CDKAL1: variants seen among roughly 807,000 people sequenced by gnomAD.
The protein encoded by CDKAL1 is CDKAL1 threonylcarbamoyladenosine tRNA methylthiotransferase.
CDKAL1 carries 32 observed loss-of-function variants against 68.2 expected under a neutral mutation model. The ratio of observed to expected loss-of-function variants is 0.47; its 90% CI spans 0.35 to 0.63. The LOEUF (loss-of-function observed/expected upper bound fraction) is 0.63. Ranked by LOEUF, CDKAL1 falls within the 30% of genes least tolerant of loss-of-function variation. CDKAL1 has a pLI of 0.00. For missense variants in CDKAL1, 606 were observed against 696.7 expected (o/e 0.87, Z 1.47); for synonymous variants, 234 against 244.3 (o/e 0.96, Z 0.39).
chr6:20,770,886 C>T (rs1774911770), intron 7 of CDKAL1, among the ~76,000 whole-genome samples: 1 of 152,118 alleles, frequency 6.6e-6, no homozygotes, highest in Non-Finnish European at 1.5e-5. Context: ...GCTCTGCCTC[C>T]CAGACTTCAG....
chr6:20,582,115 G>A (rs190516699), intron 4 of CDKAL1, among the ~76,000 whole-genome samples: 6 of 152,152 alleles, frequency 3.9e-5, no homozygotes, highest in South Asian at 2.1e-4. Flanking sequence ...ATTTTATGGA[G>A]ACCTTTACAT....
chr6:21,160,667 G>A (rs1435118602), intron 13 of CDKAL1, among the ~76,000 whole-genome samples: 3 of 129,152 alleles, frequency 2.3e-5, no homozygotes, highest in African/African-American at 8.8e-5. Context: ...GTGTGTGTGT[G>A]TGTGTGTGTG....
At chr6:20,844,488 G>A (rs189296597) in intron 8 of CDKAL1, among the ~76,000 whole-genome samples, 121 of 152,010 alleles carry the variant, frequency 8.0e-4, no homozygotes, top group Middle Eastern at 3.4e-3. Flanking sequence ...ATTTTTTGAG[G>A]TGGATTCTTG....
Position 20,846,148 on chromosome 6 carries a change from C to A in CDKAL1, c.712C>A (p.Leu238Ile), listed in dbSNP as rs775048563. The A allele has an allele frequency of 6.2e-7, 1 of 1,611,238 alleles. No individual in the cohort carries two copies. The highest frequency in any genetic ancestry group is 8.5e-7 in the Non-Finnish European group (1 of 1,177,822). The stretch of plus-strand genomic sequence containing the variant: ...TTTGGCCAGTTATCCAATTGATGAA[C>A]TAGTAGATAGAGCCAAACAATCTTT... ...GNLASYPIDE[L>I]VDRAKQSFQE... Residue 238 changes from leucine to isoleucine, a missense_variant, in exon 9 of 16, where the codon CTA becomes ATA. Physicochemically the swap from Leu to Ile is conservative, Grantham distance 5 (BLOSUM62 2). Coordinates refer to ENST00000274695, the MANE Select transcript of CDKAL1 (RefSeq NM_017774.3).
intron 4 of CDKAL1, among the ~76,000 whole-genome samples, chr6:20,611,253 C>T (rs1766604830): frequency 6.6e-6 from 1 of 152,058 alleles, no homozygotes; most frequent in Non-Finnish European, 1.5e-5. Context: ...CGTGTCTTAG[C>T]CCTGGAAAGG....
At chr6:21,045,704 T>C (rs1308227533) in intron 11 of CDKAL1, among the ~76,000 whole-genome samples, 2 of 152,212 alleles carry the variant, frequency 1.3e-5, no homozygotes, top group African/African-American at 4.8e-5. Flanking sequence ...TACTGTAAAC[T>C]AGCTCTGTGT....
intron 11 of CDKAL1, among the ~76,000 whole-genome samples, chr6:21,050,598 G>A (rs145837220): frequency 1.3e-5 from 2 of 152,222 alleles, no homozygotes; most frequent in Non-Finnish European, 2.9e-5. Flanking sequence ...AGTGCTTGCT[G>A]ATTGGTTTGT....
At chr6:21,020,774 C>CTTTTTT (rs60084439) in intron 11 of CDKAL1, among the ~76,000 whole-genome samples, 1 of 132,830 alleles carries the variant, frequency 7.5e-6, no homozygotes, top group East Asian at 2.1e-4. Context: ...GCCTTTTTTC[C>CTTTTTT]TTTTTTTTTT....
At chr6:20,723,981 G>A (rs1772515642) in intron 5 of CDKAL1, among the ~76,000 whole-genome samples, 1 of 152,156 alleles carries the variant, frequency 6.6e-6, no homozygotes, top group Admixed American at 6.5e-5. Flanking sequence ...CGCTCAGGCT[G>A]GAGTGCAGTG....
At chr6:21,157,484 T>A (rs951414872) in intron 13 of CDKAL1, among the ~76,000 whole-genome samples, 2 of 150,808 alleles carry the variant, frequency 1.3e-5, no homozygotes, top group African/African-American at 4.9e-5. Context: ...TCTTTCTTGA[T>A]TACACAAACA....
At chr6:20,734,835 T>C (rs989404000) in intron 5 of CDKAL1, among the ~76,000 whole-genome samples, 1 of 149,008 alleles carries the variant, frequency 6.7e-6, no homozygotes, top group African/African-American at 2.5e-5. Flanking sequence ...CCCAAAGAGC[T>C]GGGATAAAGG....
chr6:20,979,152 T>A (rs566164595), intron 10 of CDKAL1, among the ~76,000 whole-genome samples: 2 of 152,362 alleles, frequency 1.3e-5, no homozygotes, highest in South Asian at 4.1e-4. Flanking sequence ...TAGCGGCATA[T>A]ACCAGGTCAT....
At position 20,888,299 on chromosome 6, in the gene CDKAL1, A is replaced by G. The variant is rs373336708; in HGVS notation, c.742+42121A>G. On this transcript the variant is annotated intron_variant, in intron 9 of 15. Coordinates refer to ENST00000274695, the MANE Select transcript of CDKAL1 (RefSeq NM_017774.3). The stretch of plus-strand genomic sequence containing the variant: ...CTTCATCCATGTCCCTACAAGGGAC[A>G]TGAACTCATCCTTTTTTATGGCTGC... Among the ~76,000 whole-genome samples the G allele has an allele frequency of 2.5e-4, 38 of 151,564 alleles. 2 individuals are homozygous for G. In the East Asian group the frequency reaches 3.3e-3, roughly 13 times the overall value.
At chr6:21,201,021 A>C in intron 14 of CDKAL1, 89 bp from the exon 15 acceptor site, 2 of 1,228,308 alleles carry the variant, frequency 1.6e-6, no homozygotes, top group Non-Finnish European at 2.3e-6. Flanking sequence ...TCTCCATACT[A>C]TCTTTGCAAT....
At chr6:20,725,385 A>T (rs1201413830) in intron 5 of CDKAL1, among the ~76,000 whole-genome samples, 1 of 152,242 alleles carries the variant, frequency 6.6e-6, no homozygotes, top group African/African-American at 2.4e-5. Context: ...ATTGATTCAG[A>T]TGCTGCATGC....
At chr6:21,038,727 T>G (rs1366526273) in intron 11 of CDKAL1, among the ~76,000 whole-genome samples, 1 of 152,194 alleles carries the variant, frequency 6.6e-6, no homozygotes, top group Non-Finnish European at 1.5e-5. Context: ...ATGTATTTTA[T>G]GTATGGCCCA....
At chr6:21,086,846 G>T (rs1441047562) in intron 12 of CDKAL1, among the ~76,000 whole-genome samples, 1 of 152,088 alleles carries the variant, frequency 6.6e-6, no homozygotes, top group African/African-American at 2.4e-5. Flanking sequence ...AAACTTTGAG[G>T]AAATTTACAA....
At chr6:21,182,383 AT>A (rs1777827094) in intron 13 of CDKAL1, among the ~76,000 whole-genome samples, 2 of 152,220 alleles carry the variant, frequency 1.3e-5, no homozygotes, top group Non-Finnish European at 2.9e-5. Flanking sequence ...TGAGTCAGGC[AT>A]TTAGGTGCTA....
intron 5 of CDKAL1, among the ~76,000 whole-genome samples, chr6:20,690,851 G>A (rs879506079): frequency 6.6e-5 from 10 of 152,126 alleles, no homozygotes; most frequent in Non-Finnish European, 8.8e-5. Flanking sequence ...TGTCATGTGA[G>A]TTCATTGAGT....
Sources: allele counts gnomAD v4.1 joint callset (sites outside exome capture counted in the v4.1 genomes callset), GRCh38; gene constraint gnomAD v4.1.1; transcripts MANE v1.5; gene names NCBI Gene and HGNC (gene_info 2026-07-23, HGNC 2026-07-21).